Variants in CAB39 observed in about 807,000 individuals in gnomAD.
CAB39 encodes the protein calcium binding protein 39.
A neutral mutation model predicts 40.0 loss-of-function variants in CAB39; 8 were observed. The ratio of observed to expected loss-of-function variants is 0.20; its 90% confidence interval spans 0.12 to 0.36. The LOEUF (loss-of-function observed/expected upper bound fraction) is 0.36. CAB39 is among the 10% of genes least tolerant of loss of function. The pLI is 1.00. For synonymous variants in CAB39, 156 were observed against 141.6 expected, an observed-to-expected ratio of 1.10 and a Z score of -0.72; for missense variants, 270 against 401.1, an observed-to-expected ratio of 0.67 and a Z score of 2.79.
intron 1 of CAB39, among the ~76,000 whole-genome samples, chr2:230,732,240 C>T (rs6752031): frequency 0.14 from 21,945 of 152,090 alleles, 2,327 homozygotes; most frequent in African/African-American, 0.3. Context: ...TGCCACCACG[C>T]GCGGCTAATT....
At position 230,815,344 on chromosome 2, in the gene CAB39, G is replaced by C. The variant is rs114272369; in HGVS notation, c.693+1230G>C. ...ATCATTTGCTGTCCTTTCATCTTTG[G>C]GGGGTTGGACAGAACTTCCTGGCAG... is the stretch of plus-strand genomic sequence containing the variant. On this transcript the variant is annotated intron_variant, in intron 7 of 8. Transcript: ENST00000258418. Among the ~76,000 whole-genome samples the C allele has an allele frequency of 3.2e-3, 492 of 152,302 alleles. 3 individuals carry two copies. Among genetic ancestry groups the C allele is most frequent in the South Asian group, 7.9e-3 (38 of 4,828 alleles).
intron 1 of CAB39, among the ~76,000 whole-genome samples, chr2:230,740,260 C>T (rs888246833): frequency 3.9e-5 from 6 of 152,168 alleles, no homozygotes; most frequent in Admixed American, 6.5e-5. Context: ...ACTCTCTTCC[C>T]TGACCTATTC....
intron 1 of CAB39, among the ~76,000 whole-genome samples, chr2:230,732,072 ATCTC>A (rs950098630): frequency 6.0e-5 from 9 of 150,636 alleles, no homozygotes; most frequent in Non-Finnish European, 8.9e-5. Context: ...TGGTGAAATT[ATCTC>A]TCTCTTTTTT....
At chr2:230,791,555 AT>A (rs1271271335) in intron 3 of CAB39, among the ~76,000 whole-genome samples, 3 of 152,220 alleles carry the variant, frequency 2.0e-5, no homozygotes, top group African/African-American at 7.2e-5. Context: ...GTGACAGGAC[AT>A]TTATACACGG....
chr2:230,742,418 G>T (rs1441104054), intron 1 of CAB39, among the ~76,000 whole-genome samples: 13 of 151,966 alleles, frequency 8.6e-5, no homozygotes, highest in Non-Finnish European at 1.8e-4. Context: ...CTCGTGATTC[G>T]CCCGCCTCGG....
At chr2:230,761,915 G>GTTGTTT in intron 2 of CAB39, among the ~76,000 whole-genome samples, 1 of 148,752 alleles carries the variant, frequency 6.7e-6, no homozygotes. Flanking sequence ...TGTTGTTGTT[G>GTTGTTT]TTGTTGTTTT....
intron 2 of CAB39, among the ~76,000 whole-genome samples, chr2:230,785,389 A>G (rs866321316): frequency 0.017 from 224 of 12,820 alleles, no homozygotes; most frequent in African/African-American, 0.049. Context: ...GCAGGGGGGC[A>G]GGGGGGCAGG....
intron 5 of CAB39, among the ~76,000 whole-genome samples, chr2:230,803,844 A>C (rs1280428177): frequency 6.6e-6 from 1 of 152,228 alleles, no homozygotes; most frequent in Non-Finnish European, 1.5e-5. Flanking sequence ...TATAGATTCA[A>C]TGCCATTCCC....
intron 1 of CAB39, chr2:230,725,495 A>G: frequency 9.0e-7 from 1 of 1,110,532 alleles, no homozygotes; most frequent in Non-Finnish European, 1.3e-6. Context: ...TAATCTTTTA[A>G]CAGCCCTTTT....
At chr2:230,785,747 T>A (rs984893939) in intron 2 of CAB39, among the ~76,000 whole-genome samples, 2 of 151,776 alleles carry the variant, frequency 1.3e-5, no homozygotes, top group African/African-American at 4.8e-5. Context: ...CAAGCTGGAG[T>A]GCAGTGGTGC....
At chr2:230,784,540 A>AT (rs1402351304) in intron 2 of CAB39, among the ~76,000 whole-genome samples, 3 of 152,190 alleles carry the variant, frequency 2.0e-5, no homozygotes, top group Non-Finnish European at 2.9e-5. Flanking sequence ...TAAATGGCCT[A>AT]GCCAAGGTGA....
intron 2 of CAB39, among the ~76,000 whole-genome samples, chr2:230,774,928 C>G (rs1559606003): frequency 6.6e-6 from 1 of 152,130 alleles, no homozygotes; most frequent in Non-Finnish European, 1.5e-5. Context: ...TAGAATTGTT[C>G]TTATTATCAA....
chr2:230,769,838 A>AG lies in CAB39; in HGVS notation c.114+9726dup, dbSNP rs1469060698. On this transcript the variant is annotated intron_variant, in intron 2 of 8. Transcript: ENST00000258418. ...TACTAAAAATACAAAAAAAAAAAAAAGGGCCGGGACTCGGGAGGCTGAGGT... is the reference window on the plus strand; with the variant it reads ...TACTAAAAATACAAAAAAAAAAAAAAGGGGCCGGGACTCGGGAGGCTGAGGT... Among the ~76,000 whole-genome samples the AG allele has an allele frequency of 7.3e-5, 11 of 151,112 alleles. No individual in the cohort carries two copies. The South Asian group carries it at 8.4e-4, about 11-fold the overall frequency.
chr2:230,775,316 A>C (rs998075193), intron 2 of CAB39, among the ~76,000 whole-genome samples: 3 of 147,518 alleles, frequency 2.0e-5, no homozygotes, highest in Admixed American at 2.0e-4. Context: ...GCTCACCGCA[A>C]CCTCCGCCTC....
chr2:230,774,150 C>A (rs1695543610), intron 2 of CAB39, among the ~76,000 whole-genome samples: 1 of 152,158 alleles, frequency 6.6e-6, no homozygotes, highest in Non-Finnish European at 1.5e-5. Flanking sequence ...GGAATTCACA[C>A]CTAGCTCTGC....
Position 230,818,894 on chromosome 2 carries a change from C to T in CAB39, c.*190C>T. ...CTGCTGCTGCTTGCACACTAGGGCA[C>T]ATGTGGGCTTTCTCTTGATCTTTGT... On this transcript the variant is annotated 3_prime_UTR_variant, in exon 9 of 9. Coordinates refer to ENST00000258418, the MANE Select transcript of CAB39 (RefSeq NM_016289.4). 3.8e-6 allele frequency: 2 copies of T among 526,464 alleles called. No individual in the cohort carries two copies. The highest frequency in any genetic ancestry group is 6.8e-6 in the Non-Finnish European group (2 of 293,106). The allele number at this position is 526,464 out of a possible 1,614,324, so 32.6% of individuals were successfully genotyped here.
chr2:230,760,690 A>G (rs1363192673), intron 2 of CAB39, among the ~76,000 whole-genome samples: 1 of 152,180 alleles, frequency 6.6e-6, no homozygotes, highest in Non-Finnish European at 1.5e-5. Flanking sequence ...TCCTGTATTC[A>G]GTGTATCCGT....
chr2:230,798,051 G>A (rs1393165626), intron 4 of CAB39, among the ~76,000 whole-genome samples: 1 of 152,100 alleles, frequency 6.6e-6, no homozygotes, highest in East Asian at 1.9e-4. Flanking sequence ...GCTGAGAGGT[G>A]TCTCTCTAAT....
At chr2:230,788,657 G>C (rs567859385) in intron 2 of CAB39, among the ~76,000 whole-genome samples, 1 of 151,984 alleles carries the variant, frequency 6.6e-6, no homozygotes, top group South Asian at 2.1e-4. Flanking sequence ...GTTTTTCAAA[G>C]GTATTTTTGC....
Sources: allele counts gnomAD v4.1 joint callset (sites outside exome capture counted in the v4.1 genomes callset), GRCh38; gene constraint gnomAD v4.1.1; transcripts MANE v1.5; gene names NCBI Gene and HGNC (gene_info 2026-07-23, HGNC 2026-07-21).